NCKAP5: variants seen among roughly 807,000 people sequenced by gnomAD.
The protein encoded by NCKAP5 is NCK associated protein 5.
NCKAP5 carries 92 observed loss-of-function variants against 167.0 expected under a neutral mutation model. The ratio of observed to expected loss-of-function variants is 0.55; its 90% confidence interval spans 0.47 to 0.66. The LOEUF (loss-of-function observed/expected upper bound fraction) is 0.66, where lower values mean the gene tolerates loss of function less well. Among genes scored for constraint, NCKAP5 ranks in the 30% least tolerant of loss-of-function variants. The pLI, the probability that NCKAP5 is intolerant of heterozygous loss-of-function variation, is 0.00. For missense variants in NCKAP5, 2,378 were observed against 2,315.0 expected, an observed-to-expected ratio of 1.03 and a Z score of -0.56; for synonymous variants, 891 against 877.4, an observed-to-expected ratio of 1.02 and a Z score of -0.27.
chr2:133,648,599 A>G, the NCKAP5 span, among the ~76,000 whole-genome samples: 1 of 152,236 alleles, frequency 6.6e-6, no homozygotes, highest in Non-Finnish European at 1.5e-5. Context: ...TCAACAGAAG[A>G]AAAAATTAAA....
the NCKAP5 span, among the ~76,000 whole-genome samples, chr2:133,628,684 C>T: frequency 6.6e-6 from 1 of 152,176 alleles, no homozygotes; most frequent in Non-Finnish European, 1.5e-5. Context: ...ATAGCCAAAA[C>T]AATTCTAAGC....
chr2:132,923,167 T>G (rs1354786295), intron 8 of NCKAP5, among the ~76,000 whole-genome samples: 1 of 152,198 alleles, frequency 6.6e-6, no homozygotes, highest in Admixed American at 6.5e-5. Context: ...TGGATACACT[T>G]GAGAATGAAC....
chr2:133,662,381 C>A, the NCKAP5 span, among the ~76,000 whole-genome samples: 1 of 151,852 alleles, frequency 6.6e-6, no homozygotes, highest in East Asian at 2.0e-4. Context: ...CTCCCTAACT[C>A]TCTAGAAGAC....
intron 3 of NCKAP5, among the ~76,000 whole-genome samples, chr2:133,323,945 C>T (rs1458193795): frequency 1.3e-5 from 2 of 152,144 alleles, no homozygotes; most frequent in Non-Finnish European, 2.9e-5. Flanking sequence ...TGTTATGTCC[C>T]AAGAAATTCC....
At chr2:132,986,729 T>C (rs1476329201) in intron 7 of NCKAP5, among the ~76,000 whole-genome samples, 1 of 152,232 alleles carries the variant, frequency 6.6e-6, no homozygotes, top group Non-Finnish European at 1.5e-5. Flanking sequence ...AACCCTAACT[T>C]TTCTCTCCAG....
At chr2:132,687,712 AACACACACACACACACAC>A (rs3069016) in intron 19 of NCKAP5, among the ~76,000 whole-genome samples, 12 of 131,658 alleles carry the variant, frequency 9.1e-5, no homozygotes, top group South Asian at 2.6e-4. Flanking sequence ...CACCTACCTA[AACACACACACACACACAC>A]ACACACACAC....
chr2:133,153,463 A>C (rs2083452572), intron 5 of NCKAP5, among the ~76,000 whole-genome samples: 1 of 152,166 alleles, frequency 6.6e-6, no homozygotes, highest in South Asian at 2.1e-4. Context: ...AACTTCTCTA[A>C]AAAATAAAGA....
At chr2:133,539,678 C>T (rs1328685933) in intron 2 of NCKAP5, among the ~76,000 whole-genome samples, 1 of 151,772 alleles carries the variant, frequency 6.6e-6, no homozygotes, top group Non-Finnish European at 1.5e-5. Flanking sequence ...CTAGAAAAGA[C>T]AATCAAAGGG....
the NCKAP5 span, among the ~76,000 whole-genome samples, chr2:133,652,854 C>G: frequency 6.6e-6 from 1 of 152,202 alleles, no homozygotes; most frequent in African/African-American, 2.4e-5. Context: ...CTCTCTGTGT[C>G]ATTTGTCAGC....
chr2:133,008,141 G>A (rs1403659512), intron 6 of NCKAP5, among the ~76,000 whole-genome samples: 1 of 152,116 alleles, frequency 6.6e-6, no homozygotes, highest in Admixed American at 6.5e-5. Flanking sequence ...AATTCAAGCA[G>A]GGCAAGTAAG....
At chr2:133,617,162 A>G in the NCKAP5 span, among the ~76,000 whole-genome samples, 1 of 152,232 alleles carries the variant, frequency 6.6e-6, no homozygotes, top group East Asian at 1.9e-4. Flanking sequence ...TCAAAATAAT[A>G]AGAGCTATCT....
At chr2:133,160,224 G>A (rs1336505047) in intron 5 of NCKAP5, among the ~76,000 whole-genome samples, 2 of 152,038 alleles carry the variant, frequency 1.3e-5, no homozygotes, top group Admixed American at 6.5e-5. Flanking sequence ...AGGCAGTAGG[G>A]AAGGATCTGC....
intron 3 of NCKAP5, among the ~76,000 whole-genome samples, chr2:133,340,589 T>C (rs1683509949): frequency 6.6e-6 from 1 of 152,026 alleles, no homozygotes; most frequent in African/African-American, 2.4e-5. Context: ...AGGAGACGAG[T>C]AAGATACACA....
At chr2:133,602,140 C>T in the NCKAP5 span, among the ~76,000 whole-genome samples, 4 of 152,276 alleles carry the variant, frequency 2.6e-5, no homozygotes, top group South Asian at 8.3e-4. Context: ...CTCGAGGATG[C>T]TGCTGGGAAC....
upstream of NCKAP5, among the ~76,000 whole-genome samples, chr2:133,569,979 C>A (rs1356129931): frequency 6.6e-6 from 1 of 151,760 alleles, no homozygotes; most frequent in African/African-American, 2.4e-5. Context: ...CAAAAGAGCA[C>A]AAAGATATAA....
At chr2:133,083,015 C>T (rs2080863647) in intron 6 of NCKAP5, among the ~76,000 whole-genome samples, 1 of 152,098 alleles carries the variant, frequency 6.6e-6, no homozygotes, top group African/African-American at 2.4e-5. Context: ...GCCACAGTGA[C>T]CACATGGTTG....
chr2:133,382,081 G>T (rs1686564677), intron 3 of NCKAP5, among the ~76,000 whole-genome samples: 1 of 152,140 alleles, frequency 6.6e-6, no homozygotes, highest in Non-Finnish European at 1.5e-5. Flanking sequence ...ACTCCTCCTC[G>T]TCTGATAGTT....
chr2:133,394,080 C>T (rs542217227), intron 3 of NCKAP5, among the ~76,000 whole-genome samples: 1 of 152,310 alleles, frequency 6.6e-6, no homozygotes, highest in South Asian at 2.1e-4. Flanking sequence ...GCCTTCTTTA[C>T]AGAGAAGCTT....
At chr2:133,582,014 G>GA in the NCKAP5 span, among the ~76,000 whole-genome samples, 1 of 152,250 alleles carries the variant, frequency 6.6e-6, no homozygotes, top group Admixed American at 6.5e-5. Context: ...ACGTCCTGGA[G>GA]AAAAAAATTA....
Sources: allele counts gnomAD v4.1 joint callset (sites outside exome capture counted in the v4.1 genomes callset), GRCh38; gene constraint gnomAD v4.1.1; transcripts MANE v1.5; gene names NCBI Gene and HGNC (gene_info 2026-07-23, HGNC 2026-07-21).